The following EFHC2 variants were observed in gnomAD, a reference collection of about 807,000 sequenced individuals.
The protein encoded by EFHC2 is EF-hand domain-containing family member C2.
Under a neutral mutation model 52.7 loss-of-function variants are expected in EFHC2, and 18 were observed. The ratio of observed to expected loss-of-function variants is 0.34; its 90% confidence interval spans 0.24 to 0.51. EFHC2 has a LOEUF of 0.51. Among genes scored for constraint, EFHC2 ranks in the 20% least tolerant of loss-of-function variants. EFHC2 has a pLI of 0.97. For synonymous variants in EFHC2, 203 were observed against 204.1 expected (o/e 0.99, Z 0.04); for missense variants, 513 against 562.5 (o/e 0.91, Z 0.89).
intron 11 of EFHC2, among the ~76,000 whole-genome samples, chrX:44,222,842 T>C (rs942301032): frequency 1.4e-3 from 160 of 112,005 alleles, no homozygotes; most frequent in African/African-American, 5.0e-3. Context: ...TTAGAAGTAA[T>C]TAACTCAAGC....
intron 11 of EFHC2, among the ~76,000 whole-genome samples, chrX:44,213,082 C>CAA (rs57451313): frequency 3.4e-5 from 2 of 59,312 alleles, no homozygotes; most frequent in East Asian, 5.4e-4. Flanking sequence ...TGCTAAAAGG[C>CAA]AAAAAAAAAA....
At chrX:44,203,617 C>T (rs759366128) in intron 11 of EFHC2, among the ~76,000 whole-genome samples, 8 of 110,989 alleles carry the variant, frequency 7.2e-5, no homozygotes, top group African/African-American at 2.3e-4. Context: ...GATAGAGTCT[C>T]GATCTGTTGC....
chrX:44,247,130 C>T (rs2037406502), intron 7 of EFHC2, among the ~76,000 whole-genome samples: 1 of 111,988 alleles, frequency 8.9e-6, no homozygotes, highest in South Asian at 3.7e-4. Flanking sequence ...AAAAAGAGGC[C>T]ACCAATTTGG....
In EFHC2 at chrX:44,164,055, T is replaced by C. The variant is rs1353189471; in HGVS notation, c.2043-28A>G. The stretch of plus-strand genomic sequence containing the variant: ...GAAAATATAATTATAATATATAATT[T>C]GACTCAATCTGCAGAATTCAAGACC... On this transcript the variant is annotated intron_variant, in intron 13 of 14. Transcript: ENST00000420999. 5.3e-6 allele frequency: 5 copies of C among 940,490 alleles called. No individual in the cohort carries two copies. In the Admixed American group the frequency reaches 1.5e-4, roughly 29 times the overall value. 77.5% of individuals were successfully genotyped at this position (940,490 alleles called of 1,213,427 possible).
At chrX:44,309,875 A>G (rs2037933245) in intron 2 of EFHC2, 1 of 1,173,486 alleles carries the variant, frequency 8.5e-7, no homozygotes, top group Non-Finnish European at 1.2e-6. Flanking sequence ...TTCTTGACAC[A>G]AGGCATCGTT....
chrX:44,163,192 C>T (rs1457321777), intron 14 of EFHC2, among the ~76,000 whole-genome samples: 2 of 112,205 alleles, frequency 1.8e-5, no homozygotes, highest in Admixed American at 1.9e-4. Flanking sequence ...ATGAGCTGGT[C>T]AGCAGAGACC....
chrX:44,230,593 T>C (rs773075162), intron 10 of EFHC2, among the ~76,000 whole-genome samples: 16 of 111,018 alleles, frequency 1.4e-4, no homozygotes, highest in Non-Finnish European at 2.8e-4. Context: ...TGATATTAAA[T>C]AGTATAGCAA....
At chrX:44,164,066 G>T in intron 13 of EFHC2, 39 bp from the exon 14 acceptor site, 3 of 909,512 alleles carry the variant, frequency 3.3e-6, no homozygotes, top group South Asian at 3.2e-5. Flanking sequence ...GACTCAATCT[G>T]CAGAATTCAA....
chrX:44,165,466 C>T, intron 13 of EFHC2, among the ~76,000 whole-genome samples: 1 of 111,918 alleles, frequency 8.9e-6, no homozygotes, highest in Middle Eastern at 4.6e-3. Flanking sequence ...AAAGGACATA[C>T]TCTGTTTATG....
chrX:44,298,390 C>T (rs2037842680), intron 2 of EFHC2, among the ~76,000 whole-genome samples: 1 of 111,335 alleles, frequency 9.0e-6, no homozygotes, highest in African/African-American at 3.3e-5. Flanking sequence ...TATCTGAAAT[C>T]TGAGAAAAAA....
intron 13 of EFHC2, 141 bp from the exon 14 acceptor site, chrX:44,164,168 T>C (rs2036678573): frequency 2.7e-6 from 1 of 367,739 alleles, no homozygotes; most frequent in Non-Finnish European, 4.6e-6. Context: ...CAATTTCTTA[T>C]TGCTTCTGAC....
chrX:44,155,208 A>G (rs1343731783), intron 14 of EFHC2, among the ~76,000 whole-genome samples: 1 of 112,321 alleles, frequency 8.9e-6, no homozygotes, highest in African/African-American at 3.2e-5. Context: ...AGAAGGCCCT[A>G]TGACATCTTC....
At chrX:44,225,345 C>T (rs752347165) in intron 11 of EFHC2, among the ~76,000 whole-genome samples, 6 of 111,320 alleles carry the variant, frequency 5.4e-5, no homozygotes, top group South Asian at 7.8e-4. Flanking sequence ...CAAATATCTC[C>T]GAGAGGCCCA....
intron 11 of EFHC2, among the ~76,000 whole-genome samples, chrX:44,208,148 C>T (rs768262394): frequency 3.5e-4 from 39 of 112,180 alleles, no homozygotes; most frequent in Non-Finnish European, 4.1e-4. Flanking sequence ...TATTGGGTAT[C>T]TACCCAAAGG....
intron 11 of EFHC2, among the ~76,000 whole-genome samples, chrX:44,188,001 C>T (rs1032493648): frequency 9.6e-6 from 1 of 103,878 alleles, no homozygotes; most frequent in Non-Finnish European, 2.0e-5. Flanking sequence ...AACAGAGTCT[C>T]GCTCTGTCAC....
At chrX:44,314,601 CTCTCTG>C (rs1448851033) in intron 1 of EFHC2, among the ~76,000 whole-genome samples, 1 of 111,099 alleles carries the variant, frequency 9.0e-6, no homozygotes, top group Non-Finnish European at 1.9e-5. Flanking sequence ...TCCACTCTCT[CTCTCTG>C]TCTCTCTCTC....
At chrX:44,194,287 T>C (rs1349203275) in intron 11 of EFHC2, among the ~76,000 whole-genome samples, 1 of 111,851 alleles carries the variant, frequency 8.9e-6, no homozygotes, top group Non-Finnish European at 1.9e-5. Context: ...AATTCTGAGC[T>C]TGGGAGAGGG....
intron 4 of EFHC2, among the ~76,000 whole-genome samples, chrX:44,259,317 T>C (rs1569295748): frequency 9.1e-6 from 1 of 110,140 alleles, no homozygotes; most frequent in Non-Finnish European, 1.9e-5. Flanking sequence ...AAACACTGCA[T>C]GTTCTCACTC....
intron 11 of EFHC2, among the ~76,000 whole-genome samples, chrX:44,220,382 G>A (rs1454218641): frequency 2.7e-5 from 3 of 111,704 alleles, no homozygotes; most frequent in African/African-American, 9.8e-5. Context: ...TTCTTGCCAA[G>A]TAAGAATTTG....
Sources: allele counts gnomAD v4.1 joint callset (sites outside exome capture counted in the v4.1 genomes callset), GRCh38; gene constraint gnomAD v4.1.1; transcripts MANE v1.5; gene names NCBI Gene and HGNC (gene_info 2026-07-23, HGNC 2026-07-21).